Variants in CLVS1 observed in about 807,000 individuals in gnomAD.
CLVS1 encodes clavesin 1.
CLVS1 carries 10 observed loss-of-function variants against 33.1 expected under a neutral mutation model. That is an observed-to-expected ratio of 0.30 (90% confidence interval 0.19 to 0.51). The LOEUF is 0.51. Among genes scored for constraint, CLVS1 ranks in the 20% least tolerant of loss-of-function variants. CLVS1 has a pLI of 0.97. For synonymous variants in CLVS1, 163 were observed against 166.1 expected (o/e 0.98, Z 0.14); for missense variants, 343 against 433.4 (o/e 0.79, Z 1.85).
chr8:60,975,013 T>C, the CLVS1 span, among the ~76,000 whole-genome samples: 1 of 152,162 alleles, frequency 6.6e-6, no homozygotes, highest in Admixed American at 6.5e-5. Context: ...TGAGAAAAGC[T>C]CCCTCGATGG....
chr8:60,980,384 C>A, the CLVS1 span, among the ~76,000 whole-genome samples: 1 of 152,128 alleles, frequency 6.6e-6, no homozygotes, highest in Non-Finnish European at 1.5e-5. Flanking sequence ...AGACTCAGGG[C>A]TAGAATTGTA....
At chr8:61,156,537 A>C (rs1024598461) in intron 2 of CLVS1, among the ~76,000 whole-genome samples, 2 of 152,214 alleles carry the variant, frequency 1.3e-5, no homozygotes, top group Admixed American at 6.5e-5. Flanking sequence ...AAGTCAATAC[A>C]ATTTATAGAG....
At chr8:61,170,296 A>G (rs1299612743) in intron 2 of CLVS1, among the ~76,000 whole-genome samples, 1 of 151,968 alleles carries the variant, frequency 6.6e-6, no homozygotes, top group African/African-American at 2.4e-5. Flanking sequence ...GCTTGTGTCT[A>G]TCTGTCTGTC....
chr8:61,143,773 A>G (rs1585640900), intron 2 of CLVS1, among the ~76,000 whole-genome samples: 1 of 124,160 alleles, frequency 8.1e-6, no homozygotes, highest in African/African-American at 3.2e-5. Context: ...ATTATATATA[A>G]TATGTACATA....
intron 5 of CLVS1, among the ~76,000 whole-genome samples, chr8:61,466,572 T>C (rs1027842153): frequency 5.9e-5 from 9 of 152,246 alleles, no homozygotes; most frequent in Non-Finnish European, 1.3e-4. Context: ...TGTTAGGCCA[T>C]ATAAAGCAAT....
chr8:61,149,321 G>T (rs1048619883), intron 2 of CLVS1, among the ~76,000 whole-genome samples: 2 of 152,088 alleles, frequency 1.3e-5, no homozygotes, highest in African/African-American at 4.8e-5. Context: ...GGAGGCTGAG[G>T]TGGGTGGATC....
intron 2 of CLVS1, among the ~76,000 whole-genome samples, chr8:61,268,961 G>T (rs1809372622): frequency 1.7e-5 from 2 of 115,478 alleles, no homozygotes; most frequent in Non-Finnish European, 3.5e-5. Flanking sequence ...CTCCCATTTT[G>T]TAGGTTGCCT....
intron 2 of CLVS1, among the ~76,000 whole-genome samples, chr8:61,319,908 A>G (rs959747164): frequency 2.0e-5 from 3 of 152,088 alleles, no homozygotes; most frequent in African/African-American, 7.2e-5. Flanking sequence ...TTTGTTCTCT[A>G]TCTTAATAAA....
chr8:61,160,613 G>A (rs1271028443), intron 2 of CLVS1, among the ~76,000 whole-genome samples: 2 of 127,662 alleles, frequency 1.6e-5, no homozygotes, highest in African/African-American at 4.9e-5. Context: ...ACCTCTTCTT[G>A]TTAAGAGATT....
intron 1 of CLVS1, among the ~76,000 whole-genome samples, chr8:61,107,717 T>C (rs10504316): frequency 0.18 from 26,744 of 152,238 alleles, 2,523 homozygotes; most frequent in Admixed American, 0.3. Flanking sequence ...GTCTCCCCAT[T>C]GCGTTACTAA....
chr8:61,368,961 T>C (rs899722381), intron 2 of CLVS1, among the ~76,000 whole-genome samples: 2 of 152,116 alleles, frequency 1.3e-5, no homozygotes, highest in Admixed American at 1.3e-4. Flanking sequence ...GCTTGCAGGA[T>C]TTTTTCTTTC....
chr8:61,400,141 C>T (rs1440793468), intron 3 of CLVS1, among the ~76,000 whole-genome samples: 1 of 152,150 alleles, frequency 6.6e-6, no homozygotes, highest in Non-Finnish European at 1.5e-5. Context: ...GCCATTTTCA[C>T]AATATTGATT....
chr8:61,192,339 C>G (rs1807503154), intron 2 of CLVS1, among the ~76,000 whole-genome samples: 1 of 152,166 alleles, frequency 6.6e-6, no homozygotes, highest in Non-Finnish European at 1.5e-5. Context: ...AAAGCTGAAA[C>G]TGGATCCCTT....
intron 5 of CLVS1, among the ~76,000 whole-genome samples, chr8:61,490,027 G>A (rs949930368): frequency 2.0e-5 from 3 of 152,178 alleles, no homozygotes; most frequent in African/African-American, 7.2e-5. Flanking sequence ...GAAATTTATG[G>A]AAGTCAGGCT....
intron 2 of CLVS1, chr8:61,264,608 A>AT (rs1215159164): frequency 2.6e-5 from 4 of 152,222 alleles, no homozygotes; most frequent in African/African-American, 4.8e-5. Context: ...AGATTCAAAG[A>AT]TTTTTTGAAT....
intron 3 of CLVS1, among the ~76,000 whole-genome samples, chr8:61,385,984 T>A (rs1814069434): frequency 6.6e-6 from 1 of 152,220 alleles, no homozygotes. Context: ...TGTTGCATTT[T>A]TTAACTTACT....
chr8:61,473,608 C>T (rs527860548), intron 5 of CLVS1, among the ~76,000 whole-genome samples: 139 of 152,252 alleles, frequency 9.1e-4, no homozygotes, highest in South Asian at 5.6e-3. Context: ...CTGTATGAGA[C>T]TACAGTAATG....
At chr8:61,069,945 A>C (rs1209608545) in intron 1 of CLVS1, among the ~76,000 whole-genome samples, 1 of 152,034 alleles carries the variant, frequency 6.6e-6, no homozygotes, top group Admixed American at 6.5e-5. Flanking sequence ...GGCATGCACC[A>C]CCATGCCTGG....
At chr8:61,243,337 A>G (rs1435295848) in intron 2 of CLVS1, among the ~76,000 whole-genome samples, 2 of 152,222 alleles carry the variant, frequency 1.3e-5, no homozygotes, top group Admixed American at 1.3e-4. Context: ...TCACACATGC[A>G]TGATTCAAGG....
Sources: gnomAD v4.1 joint callset for allele counts (sites outside exome capture counted in the v4.1 genomes callset) on GRCh38, gnomAD v4.1.1 for gene constraint, MANE v1.5 for transcripts, NCBI Gene and HGNC (gene_info 2026-07-23, HGNC 2026-07-21) for gene names.